TMEM178B: variants seen among roughly 807,000 people sequenced by gnomAD.
TMEM178B encodes the protein transmembrane protein 178B.
Under a neutral mutation model 31.0 loss-of-function variants are expected in TMEM178B, and 5 were observed. That is an observed-to-expected ratio of 0.16 (90% CI 0.08 to 0.34). The LOEUF is 0.34. TMEM178B is among the 10% of genes least tolerant of loss of function. TMEM178B has a pLI of 1.00. For missense variants in TMEM178B, 275 were observed against 400.3 expected (o/e 0.69, Z 2.67); for synonymous variants, 164 against 164.0 (o/e 1.00, Z 0.00).
chr7:141,489,810 C>T, the TMEM178B span, among the ~76,000 whole-genome samples: 5 of 152,246 alleles, frequency 3.3e-5, no homozygotes, highest in Non-Finnish European at 7.4e-5. Context: ...TGCATGCTTT[C>T]GTACAAAATA....
chr7:141,244,610 T>A (rs891343822), intron 2 of TMEM178B, among the ~76,000 whole-genome samples: 12 of 152,314 alleles, frequency 7.9e-5, no homozygotes, highest in Non-Finnish European at 1.8e-4. Flanking sequence ...TGACAATGAT[T>A]TCAGTTTGAA....
At chr7:141,397,515 G>T (rs1278545889) in intron 2 of TMEM178B, among the ~76,000 whole-genome samples, 3 of 152,128 alleles carry the variant, frequency 2.0e-5, no homozygotes, top group African/African-American at 7.2e-5. Context: ...CTTGGAACTT[G>T]GAACACATTT....
the TMEM178B span, among the ~76,000 whole-genome samples, chr7:141,487,860 G>A: frequency 6.6e-6 from 1 of 150,908 alleles, no homozygotes; most frequent in Non-Finnish European, 1.5e-5. Flanking sequence ...AAATATAAAC[G>A]TTCAATTAAG....
intron 1 of TMEM178B, among the ~76,000 whole-genome samples, chr7:141,176,528 G>A (rs1182131290): frequency 6.6e-6 from 1 of 152,168 alleles, no homozygotes; most frequent in African/African-American, 2.4e-5. Context: ...GTTTCAGAAG[G>A]AATGGTACCA....
intron 1 of TMEM178B, among the ~76,000 whole-genome samples, chr7:141,110,124 T>C: frequency 1.3e-5 from 2 of 152,360 alleles, no homozygotes; most frequent in South Asian, 4.1e-4. Flanking sequence ...CTTATTTCTT[T>C]AATAATTTTA....
chr7:141,089,288 GCAGGCACTGGA>G (rs1376069464), intron 1 of TMEM178B, among the ~76,000 whole-genome samples: 1 of 152,224 alleles, frequency 6.6e-6, no homozygotes, highest in Non-Finnish European at 1.5e-5. Context: ...TAAGGGATTA[GCAGGCACTGGA>G]CAGGCAGACT....
At position 141,358,130 on chromosome 7, in the gene TMEM178B, A is replaced by G. The variant is rs566145548; in HGVS notation, c.497-79478A>G. Among the ~76,000 whole-genome samples, 7 of 152,278 alleles carry G rather than the reference A, an allele frequency of 4.6e-5. No homozygotes were observed. The East Asian group carries it at 1.4e-3, about 29-fold the overall frequency. On this transcript the variant is annotated intron_variant, in intron 2 of 3. Coordinates refer to ENST00000565468, the MANE Select transcript of TMEM178B (RefSeq NM_001195278.2). The stretch of plus-strand genomic sequence containing the variant: ...GGCCTTTCTGCCTTATTTCCAATAT[A>G]TATTTTGCTGATGATTAATATTTTA...
In TMEM178B at chr7:141,202,663, G is replaced by A. The variant is rs535379988; in HGVS notation, c.383-9928G>A. On this transcript the variant is annotated intron_variant, in intron 1 of 3. Transcript: ENST00000565468. ...AACCTTCTTTCTGGCTGGGCCTGCA[G>A]CAGCTATAAGCCTTGCAAATCCTTG... Among the ~76,000 whole-genome samples, 95 of 152,354 alleles carry A rather than the reference G, an allele frequency of 6.2e-4. 1 individual carries two copies. The highest frequency in any genetic ancestry group is 2.0e-3 in the African/African-American group (84 of 41,588).
rs1469459704 is a variant in TMEM178B at position 141,429,104 on chromosome 7, A to G, written c.497-8504A>G. ...TAGTACAGCCATTATGGAAAACCAT[A>G]TGGAGATTCCTCAAAAAACTAAAAA... On this transcript the variant is annotated intron_variant, in intron 2 of 3. Coordinates refer to ENST00000565468, the MANE Select transcript of TMEM178B (RefSeq NM_001195278.2). Among the ~76,000 whole-genome samples the G allele has an allele frequency of 2.6e-5, 4 of 152,332 alleles. No individual in the cohort carries two copies. The South Asian group carries it at 8.3e-4, about 32-fold the overall frequency.
At chr7:141,419,405 A>G (rs770850588) in intron 2 of TMEM178B, among the ~76,000 whole-genome samples, 3 of 152,050 alleles carry the variant, frequency 2.0e-5, no homozygotes, top group Non-Finnish European at 4.4e-5. Context: ...CTCATATTCA[A>G]TTGATCACTA....
intron 2 of TMEM178B, among the ~76,000 whole-genome samples, chr7:141,358,318 C>A (rs1156829979): frequency 6.6e-6 from 1 of 152,108 alleles, no homozygotes; most frequent in Non-Finnish European, 1.5e-5. Flanking sequence ...TTTATTTGCC[C>A]ATTGCACTGG....
intron 1 of TMEM178B, among the ~76,000 whole-genome samples, chr7:141,151,602 A>C (rs1217618939): frequency 6.6e-6 from 1 of 152,058 alleles, no homozygotes; most frequent in Admixed American, 6.6e-5. Context: ...CATCGGGAGG[A>C]TTGATGGTGA....
intron 2 of TMEM178B, among the ~76,000 whole-genome samples, chr7:141,308,975 C>A (rs954609713): frequency 6.6e-6 from 1 of 152,140 alleles, no homozygotes; most frequent in East Asian, 1.9e-4. Context: ...GGGGAGGACT[C>A]AGGAAGTGGA....
At chr7:141,304,781 G>T (rs1344255667) in intron 2 of TMEM178B, among the ~76,000 whole-genome samples, 3 of 152,108 alleles carry the variant, frequency 2.0e-5, no homozygotes, top group Non-Finnish European at 4.4e-5. Flanking sequence ...CCACCTCCTA[G>T]TCCAGTTCTC....
At chr7:141,166,645 C>T (rs904717233) in intron 1 of TMEM178B, among the ~76,000 whole-genome samples, 17 of 152,204 alleles carry the variant, frequency 1.1e-4, no homozygotes, top group Non-Finnish European at 2.5e-4. Context: ...AGGAACGTCC[C>T]AGAACCTGCC....
intron 2 of TMEM178B, among the ~76,000 whole-genome samples, chr7:141,310,626 C>A (rs1253619785): frequency 1.3e-5 from 2 of 151,970 alleles, no homozygotes; most frequent in Non-Finnish European, 2.9e-5. Flanking sequence ...CTTCCTGGAA[C>A]GGTGATTATT....
intron 2 of TMEM178B, among the ~76,000 whole-genome samples, chr7:141,250,913 C>T (rs906207909): frequency 6.6e-6 from 1 of 152,150 alleles, no homozygotes; most frequent in African/African-American, 2.4e-5. Context: ...TGTCTCTGTT[C>T]TCTTCCCACC....
chr7:141,297,382 G>A (rs1314988606), intron 2 of TMEM178B, among the ~76,000 whole-genome samples: 2 of 152,124 alleles, frequency 1.3e-5, no homozygotes, highest in Non-Finnish European at 2.9e-5. Flanking sequence ...TATACTTTAA[G>A]TTCTAGGGTA....
chr7:141,371,596 A>AG (rs1416212854), intron 2 of TMEM178B, among the ~76,000 whole-genome samples: 2 of 152,234 alleles, frequency 1.3e-5, no homozygotes, highest in Admixed American at 1.3e-4. Context: ...TAATGGCACT[A>AG]GGCTGAAACA....
Sources: allele counts gnomAD v4.1 joint callset (sites outside exome capture counted in the v4.1 genomes callset), GRCh38; gene constraint gnomAD v4.1.1; transcripts MANE v1.5; gene names NCBI Gene and HGNC (gene_info 2026-07-23, HGNC 2026-07-21).